The following LCMT1 variants were observed in gnomAD, a reference collection of about 807,000 sequenced individuals.
LCMT1 encodes [Phosphatase 2A protein]-leucine-carboxy methyltransferase 1.
LCMT1 carries 32 observed loss-of-function variants against 47.7 expected under a neutral mutation model. The ratio of observed to expected loss-of-function variants is 0.67; its 90% CI spans 0.51 to 0.90. LCMT1 has a LOEUF of 0.90. LCMT1 is among the 40% of genes least tolerant of loss of function. LCMT1 has a pLI of 0.00. For synonymous variants in LCMT1, 152 were observed against 149.7 expected (o/e 1.02, Z -0.11); for missense variants, 375 against 415.2 (o/e 0.90, Z 0.84).
chr16:25,167,953 T>A (rs1377380509), intron 7 of LCMT1, among the ~76,000 whole-genome samples: 1 of 150,928 alleles, frequency 6.6e-6, no homozygotes, highest in Non-Finnish European at 1.5e-5. Flanking sequence ...AGAGACAGGG[T>A]TTCATGTTGG....
intron 3 of LCMT1, among the ~76,000 whole-genome samples, chr16:25,136,509 AT>A (rs1391872791): frequency 6.6e-6 from 1 of 151,632 alleles, no homozygotes. Flanking sequence ...CATGTGCAGA[AT>A]GTGCAGGTTT....
At chr16:25,115,237 C>G (rs943764770) in intron 1 of LCMT1, among the ~76,000 whole-genome samples, 2 of 152,202 alleles carry the variant, frequency 1.3e-5, no homozygotes, top group Non-Finnish European at 2.9e-5. Flanking sequence ...CAGTGGTTCT[C>G]TCTGTCTTTT....
chr16:25,171,618 A>C (rs990011689), intron 9 of LCMT1, among the ~76,000 whole-genome samples: 2 of 152,194 alleles, frequency 1.3e-5, no homozygotes, highest in Non-Finnish European at 2.9e-5. Flanking sequence ...TGGCAGTGGA[A>C]ATTTTACATA....
At chr16:25,162,920 G>A (rs886261354) in intron 6 of LCMT1, among the ~76,000 whole-genome samples, 1 of 152,174 alleles carries the variant, frequency 6.6e-6, no homozygotes, top group African/African-American at 2.4e-5. Flanking sequence ...ACCCAGGCTG[G>A]AGTGCAGTGG....
At chr16:25,163,940 A>G (rs996369026) in intron 6 of LCMT1, among the ~76,000 whole-genome samples, 4 of 151,974 alleles carry the variant, frequency 2.6e-5, no homozygotes, top group African/African-American at 9.7e-5. Flanking sequence ...TGCAGTTTGG[A>G]CAGGGCTTAG....
chr16:25,123,960 G>C (rs1960081527), intron 1 of LCMT1, among the ~76,000 whole-genome samples: 2 of 152,074 alleles, frequency 1.3e-5, no homozygotes, highest in South Asian at 4.1e-4. Context: ...GACTTCCAAA[G>C]GTTTTTAGTT....
intron 9 of LCMT1, among the ~76,000 whole-genome samples, chr16:25,174,247 C>A (rs2141719924): frequency 6.6e-6 from 1 of 152,244 alleles, no homozygotes; most frequent in East Asian, 1.9e-4. Flanking sequence ...ATTTAAAAGG[C>A]TTTTTGGGAA....
chr16:25,155,859 T>C (rs914580584), intron 5 of LCMT1, among the ~76,000 whole-genome samples: 2 of 152,078 alleles, frequency 1.3e-5, no homozygotes, highest in African/African-American at 4.8e-5. Flanking sequence ...TTTAAATTTT[T>C]TGGGGAGAGA....
At chr16:25,139,232 A>T (rs1960601305) in intron 3 of LCMT1, among the ~76,000 whole-genome samples, 1 of 152,210 alleles carries the variant, frequency 6.6e-6, no homozygotes, top group Admixed American at 6.5e-5. Flanking sequence ...CAAACAAGTA[A>T]ATCCTGGCCC....
chr16:25,140,406 TG>T, intron 4 of LCMT1, 159 bp downstream of exon 4: 2 of 612,032 alleles, frequency 3.3e-6, no homozygotes, highest in Non-Finnish European at 5.8e-6. Context: ...CATTCCAGCA[TG>T]TTCTACAGTC....
At chr16:25,154,313 T>C (rs1961172623) in intron 5 of LCMT1, among the ~76,000 whole-genome samples, 1 of 151,736 alleles carries the variant, frequency 6.6e-6, no homozygotes, top group Non-Finnish European at 1.5e-5. Flanking sequence ...GCCTGGCTGA[T>C]GCCCTATTAT....
chr16:25,122,931 C>G (rs1056115285), intron 1 of LCMT1, among the ~76,000 whole-genome samples: 1 of 152,076 alleles, frequency 6.6e-6, no homozygotes, highest in Non-Finnish European at 1.5e-5. Flanking sequence ...GATATAGGCA[C>G]TTGCCACTGT....
At chr16:25,133,997 A>G (rs1960429976) in intron 3 of LCMT1, among the ~76,000 whole-genome samples, 1 of 145,500 alleles carries the variant, frequency 6.9e-6, no homozygotes, top group Non-Finnish European at 1.5e-5. Flanking sequence ...ATGCCACCGC[A>G]CTCCAGCCTG....
chr16:25,112,822 GA>G (rs1959664345), intron 1 of LCMT1, among the ~76,000 whole-genome samples: 1 of 152,104 alleles, frequency 6.6e-6, no homozygotes. Flanking sequence ...AGTGCCATTA[GA>G]GTTTGTAATT....
Position 25,134,163 on chromosome 16 carries a change from C to A in LCMT1, c.327+1640C>A, listed in dbSNP as rs144017288. 5.2e-3 allele frequency among the ~76,000 whole-genome samples: 787 copies of A among 151,290 alleles called. 13 individuals are homozygous for A. Among genetic ancestry groups the A allele is most frequent in the African/African-American group, 0.018 (742 of 41,226 alleles). On this transcript the variant is annotated intron_variant, in intron 3 of 10. Transcript: ENST00000399069. Reference sequence around the variant, plus strand: ...AACGTGCATTTCTCCAGATTTTTTGCGGATGTTGACCAAGACCCACTTATC... The same window carrying A: ...AACGTGCATTTCTCCAGATTTTTTGAGGATGTTGACCAAGACCCACTTATC...
At chr16:25,152,755 A>G (rs572927328) in intron 5 of LCMT1, among the ~76,000 whole-genome samples, 1 of 152,258 alleles carries the variant, frequency 6.6e-6, no homozygotes, top group African/African-American at 2.4e-5. Flanking sequence ...ACTCTCTGGT[A>G]TCTTACACTT....
intron 4 of LCMT1, chr16:25,146,919 C>T (rs1960874383): frequency 6.6e-6 from 1 of 152,196 alleles, no homozygotes. Flanking sequence ...CAAAGTGGCT[C>T]ATTCTAGCTT....
At chr16:25,135,097 A>G (rs993960645) in intron 3 of LCMT1, among the ~76,000 whole-genome samples, 8 of 152,122 alleles carry the variant, frequency 5.3e-5, no homozygotes, top group Non-Finnish European at 1.2e-4. Flanking sequence ...TAATTAATAA[A>G]TCTGAGCCTC....
intron 2 of LCMT1, among the ~76,000 whole-genome samples, chr16:25,129,565 A>G (rs1356530288): frequency 6.6e-6 from 1 of 152,186 alleles, no homozygotes; most frequent in African/African-American, 2.4e-5. Context: ...AATGAGAAAA[A>G]TACATAAAGC....
Sources: gnomAD v4.1 joint callset for allele counts (sites outside exome capture counted in the v4.1 genomes callset) on GRCh38, gnomAD v4.1.1 for gene constraint, MANE v1.5 for transcripts, NCBI Gene and HGNC (gene_info 2026-07-23, HGNC 2026-07-21) for gene names.